The following LAMA2 variants were observed in gnomAD, a reference collection of about 807,000 sequenced individuals.
The protein encoded by LAMA2 is laminin subunit alpha 2.
In LAMA2, 269 loss-of-function variants were observed where a neutral mutation model predicts 364.8. That is an observed-to-expected ratio of 0.74 (90% CI 0.67 to 0.82). LAMA2 has a LOEUF of 0.82. Ranked by LOEUF, LAMA2 falls within the 40% of genes least tolerant of loss-of-function variation. LAMA2 has a pLI of 0.00. For synonymous variants in LAMA2, 1,379 were observed against 1,370.6 expected (o/e 1.01, Z -0.14); for missense variants, 3,807 against 3,873.2 (o/e 0.98, Z 0.45).
intron 8 of LAMA2, among the ~76,000 whole-genome samples, chr6:129,162,688 A>G (rs1258265962): frequency 6.6e-6 from 1 of 152,072 alleles, no homozygotes; most frequent in Non-Finnish European, 1.5e-5. Context: ...CTATATATAT[A>G]TATCTTTAAT....
intron 3 of LAMA2, among the ~76,000 whole-genome samples, chr6:129,097,500 C>A (rs1004119191): frequency 6.6e-6 from 1 of 152,138 alleles, no homozygotes; most frequent in Non-Finnish European, 1.5e-5. Flanking sequence ...CCTTTTCTTG[C>A]ATGTTTACCT....
At chr6:129,348,392 T>A (rs1731293142) in intron 30 of LAMA2, among the ~76,000 whole-genome samples, 1 of 152,094 alleles carries the variant, frequency 6.6e-6, no homozygotes, top group Admixed American at 6.6e-5. Context: ...AAAAGAAAAA[T>A]GGTGTGTGCA....
intron 29 of LAMA2, among the ~76,000 whole-genome samples, chr6:129,337,516 C>T (rs923424259): frequency 5.9e-5 from 9 of 151,872 alleles, no homozygotes; most frequent in South Asian, 2.1e-4. Flanking sequence ...TTTTATTCAC[C>T]GTAAGGAAAA....
At chr6:129,128,755 A>G (rs567986425) in intron 4 of LAMA2, among the ~76,000 whole-genome samples, 57 of 152,258 alleles carry the variant, frequency 3.7e-4, no homozygotes, top group African/African-American at 1.3e-3. Context: ...AATCTTTTTT[A>G]TAGCTATTGT....
chr6:129,236,935 A>G (rs907430427), intron 12 of LAMA2, among the ~76,000 whole-genome samples: 1 of 152,196 alleles, frequency 6.6e-6, no homozygotes, highest in African/African-American at 2.4e-5. Flanking sequence ...ATTTCATTGA[A>G]TGAATGCACT....
intron 4 of LAMA2, among the ~76,000 whole-genome samples, chr6:129,133,130 A>G (rs1777586438): frequency 6.6e-6 from 1 of 152,260 alleles, no homozygotes; most frequent in African/African-American, 2.4e-5. Context: ...TTATAAACCC[A>G]CTGAAGTGAA....
At chr6:129,162,314 G>C (rs1779487211) in intron 8 of LAMA2, among the ~76,000 whole-genome samples, 1 of 151,966 alleles carries the variant, frequency 6.6e-6, no homozygotes, top group South Asian at 2.1e-4. Context: ...TGTCATTTTT[G>C]TTTGAAGTCA....
intron 8 of LAMA2, among the ~76,000 whole-genome samples, chr6:129,163,746 T>A (rs1779580829): frequency 6.6e-6 from 1 of 152,274 alleles, no homozygotes; most frequent in South Asian, 2.1e-4. Context: ...TATGGCCAGA[T>A]GACTACAAAA....
At chr6:128,929,243 T>C (rs1013489225) in intron 1 of LAMA2, 2 of 1,468,210 alleles carry the variant, frequency 1.4e-6, no homozygotes, top group Admixed American at 3.4e-5. Flanking sequence ...ATTGATGTAC[T>C]GTAAGAGACC....
intron 14 of LAMA2, among the ~76,000 whole-genome samples, chr6:129,255,946 C>A (rs1786631732): frequency 6.6e-6 from 1 of 152,150 alleles, no homozygotes; most frequent in Non-Finnish European, 1.5e-5. Flanking sequence ...GTTTCCTTCC[C>A]ATTATCTTTG....
chr6:129,406,005 A>G (rs4897317), intron 40 of LAMA2, among the ~76,000 whole-genome samples: 75,615 of 151,306 alleles, frequency 0.5, 19,311 homozygotes, highest in African/African-American at 0.62. Flanking sequence ...TTTGCAGGAG[A>G]AAAGGAAAAG....
At chr6:129,164,017 T>C (rs1779593203) in intron 8 of LAMA2, among the ~76,000 whole-genome samples, 1 of 152,208 alleles carries the variant, frequency 6.6e-6, no homozygotes, top group African/African-American at 2.4e-5. Flanking sequence ...GGATCTGCTT[T>C]TATCAACTTC....
At position 129,050,009 on chromosome 6, in the gene LAMA2, A is replaced by G. The variant is rs1234200650; in HGVS notation, c.204A>G (p.Lys68=). Reference sequence around the variant, plus strand: ...AAAAAGGACCTGAAATGTACTGCAAATTGGTAGAACATGTCCCTGGGCAGC... The same window carrying G: ...AAAAAGGACCTGAAATGTACTGCAAGTTGGTAGAACATGTCCCTGGGCAGC... ...CGEKGPEMYC[K]LVEHVPGQPV... Residue 68 remains lysine, a synonymous_variant, in exon 2 of 65, where the codon AAA becomes AAG. Transcript: ENST00000421865. 6.2e-7 allele frequency: 1 copy of G among 1,614,090 alleles called. No individual in the cohort carries two copies. The highest frequency in any genetic ancestry group is 8.5e-7 in the Non-Finnish European group (1 of 1,179,990).
chr6:129,024,560 A>AT (rs1226230445), intron 1 of LAMA2, among the ~76,000 whole-genome samples: 4 of 151,116 alleles, frequency 2.6e-5, no homozygotes, highest in East Asian at 3.9e-4. Flanking sequence ...TTTTTATTTT[A>AT]TTTTTTTGTA....
At chr6:129,314,021 A>G (rs999855854) in intron 23 of LAMA2, among the ~76,000 whole-genome samples, 10 of 152,328 alleles carry the variant, frequency 6.6e-5, no homozygotes, top group South Asian at 2.1e-4. Flanking sequence ...TTAAGACTCA[A>G]TGTTTTTATG....
intron 10 of LAMA2, among the ~76,000 whole-genome samples, chr6:129,186,295 C>T (rs1205078336): frequency 6.6e-6 from 1 of 151,522 alleles, no homozygotes; most frequent in Non-Finnish European, 1.5e-5. Flanking sequence ...AAATAGAAAT[C>T]TCATGATGAT....
At chr6:128,912,788 T>C (rs1398706781) in intron 1 of LAMA2, among the ~76,000 whole-genome samples, 1 of 152,188 alleles carries the variant, frequency 6.6e-6, no homozygotes, top group African/African-American at 2.4e-5. Flanking sequence ...TAAAATTGTT[T>C]TTACATTCTG....
chr6:129,425,405 T>C (rs1301760535), intron 40 of LAMA2, among the ~76,000 whole-genome samples: 1 of 152,058 alleles, frequency 6.6e-6, no homozygotes, highest in East Asian at 1.9e-4. Flanking sequence ...TTATTTTCTT[T>C]TTTAAATTCT....
chr6:129,342,507 C>A (rs139846716), intron 30 of LAMA2, 40 bp downstream of exon 30: 9 of 1,603,134 alleles, frequency 5.6e-6, no homozygotes, highest in Admixed American at 1.7e-5. Flanking sequence ...CAATCAGAAA[C>A]GCCATCTGTC....
Sources: allele counts gnomAD v4.1 joint callset (sites outside exome capture counted in the v4.1 genomes callset), GRCh38; gene constraint gnomAD v4.1.1; transcripts MANE v1.5; gene names NCBI Gene and HGNC (gene_info 2026-07-23, HGNC 2026-07-21).